Variants in PLXNA2 observed in about 807,000 individuals in gnomAD.
PLXNA2 encodes the protein plexin A2.
Under a neutral mutation model 193.5 loss-of-function variants are expected in PLXNA2, and 91 were observed. The observed-to-expected ratio is 0.47, with a 90% CI of 0.40 to 0.56. The LOEUF (loss-of-function observed/expected upper bound fraction) is 0.56, where lower values mean the gene tolerates loss of function less well. Among genes scored for constraint, PLXNA2 ranks in the 20% least tolerant of loss-of-function variants. The pLI is 0.00. For synonymous variants in PLXNA2, 997 were observed against 1,027.3 expected (o/e 0.97, Z 0.56); for missense variants, 1,995 against 2,503.2 (o/e 0.80, Z 4.33).
chr1:208,243,220 G>T (rs776064460), intron 1 of PLXNA2, among the ~76,000 whole-genome samples: 2 of 152,172 alleles, frequency 1.3e-5, no homozygotes, highest in African/African-American at 4.8e-5. Context: ...TCGCTGGCCA[G>T]TGTGGCTTTG....
At chr1:208,039,545 T>C (rs1304984947) in intron 24 of PLXNA2, 76 bp downstream of exon 24, 3 of 1,589,434 alleles carry the variant, frequency 1.9e-6, no homozygotes, top group Non-Finnish European at 2.6e-6. Context: ...CCTAGACTGC[T>C]TTTATGGACA....
intron 4 of PLXNA2, among the ~76,000 whole-genome samples, chr1:208,136,139 C>T (rs1289064821): frequency 6.6e-6 from 1 of 152,178 alleles, no homozygotes; most frequent in East Asian, 1.9e-4. Context: ...GATTCTAGCC[C>T]CTTGTCCTTC....
In PLXNA2 at chr1:208,217,584, G is replaced by C. The variant is rs759334726; in HGVS notation, c.339C>G (p.Val113=). The change falls in exon 2 of 32, where the codon GTC becomes GTG. Residue 113 remains valine, a synonymous_variant. Coordinates refer to ENST00000367033, the MANE Select transcript of PLXNA2 (RefSeq NM_025179.4). This position sits in a 1 kb window ranked among gnomAD's most constrained non-coding sequence, Gnocchi z 4.7. Reference sequence around the variant, plus strand: ...AGTAGTCAATGATGAGCAGCTTGTTGACATTGTTGGTGAGGGTGAGCACTT... The same window carrying C: ...AGTAGTCAATGATGAGCAGCTTGTTCACATTGTTGGTGAGGGTGAGCACTT... ...CSEVLTLTNN[V]NKLLIIDYSE... is the part of the protein sequence containing the mutation. 1.1e-5 allele frequency: 18 copies of C among 1,614,090 alleles called. No individual in the cohort carries two copies. The highest frequency in any genetic ancestry group is 1.4e-5 in the Non-Finnish European group (17 of 1,180,046).
rs1209743654 is a variant in PLXNA2 at position 208,051,011 on chromosome 1, T to C, written c.3253A>G (p.Asn1085Asp). Residue 1085 changes from asparagine (N) to aspartate (D), a missense_variant and splice_region_variant, in exon 17 of 32, where the codon AAT becomes GAT. This residue lies in a region of PLXNA2 where 1,291 missense variants were observed against 1,673.6 expected (regional missense o/e 0.77). Transcript: ENST00000367033. Reference sequence around the variant, plus strand: ...GGGGCAGACCAACAGTTACTCACATTGACAGATTCTTTGCCATTGAATTTG... The same window carrying C: ...GGGGCAGACCAACAGTTACTCACATCGACAGATTCTTTGCCATTGAATTTG... Reference protein sequence around the residue: ...RVKFNGKESVNVCKVVNTTTL... With the variant: ...RVKFNGKESVDVCKVVNTTTL... 1 of 1,610,018 alleles carries C rather than the reference T, an allele frequency of 6.2e-7. No individual in the cohort carries two copies. Among genetic ancestry groups the C allele is most frequent in the Non-Finnish European group, 8.5e-7 (1 of 1,176,398 alleles).
chr1:208,055,893 C>T (rs141523408), intron 13 of PLXNA2, among the ~76,000 whole-genome samples: 5 of 152,288 alleles, frequency 3.3e-5, no homozygotes, highest in African/African-American at 1.2e-4. Flanking sequence ...TGTCTTATTA[C>T]GTTTTAGCAT....
At chr1:208,081,163 G>T (rs1666327746) in intron 11 of PLXNA2, among the ~76,000 whole-genome samples, 1 of 152,222 alleles carries the variant, frequency 6.6e-6, no homozygotes, top group East Asian at 1.9e-4. Context: ...CAGATCCCCA[G>T]CAGGGTAATT....
chr1:208,198,714 C>T, intron 3 of PLXNA2, among the ~76,000 whole-genome samples: 1 of 152,190 alleles, frequency 6.6e-6, no homozygotes, highest in East Asian at 1.9e-4. Flanking sequence ...TTCTCTCGTG[C>T]ATCTTCTTGC....
chr1:208,150,425 T>C (rs1013936017), intron 3 of PLXNA2, among the ~76,000 whole-genome samples: 5 of 152,156 alleles, frequency 3.3e-5, no homozygotes, highest in African/African-American at 4.8e-5. Context: ...ATGGAGATCT[T>C]TCTCCTGGAA....
In PLXNA2 at chr1:208,082,907, C is replaced by T. The variant is rs532539277; in HGVS notation, c.2299-399G>A. 6.6e-6 allele frequency among the ~76,000 whole-genome samples: 1 copy of T among 152,276 alleles called. No individual in the cohort carries two copies. The highest frequency in any genetic ancestry group is 2.1e-4 in the South Asian group (1 of 4,826). On this transcript the variant is annotated intron_variant, in intron 10 of 31. Coordinates refer to ENST00000367033, the MANE Select transcript of PLXNA2 (RefSeq NM_025179.4). This position sits in a 1 kb window ranked among gnomAD's most constrained non-coding sequence, Gnocchi z 4.2. ...TCTACTTTCCCCAGGAGTCCTCTCC[C>T]ACAACCCTGCAGATCTGCCTCAAAC...
At chr1:208,092,581 A>G (rs1666751743) in intron 9 of PLXNA2, among the ~76,000 whole-genome samples, 1 of 152,242 alleles carries the variant, frequency 6.6e-6, no homozygotes, top group Non-Finnish European at 1.5e-5. Flanking sequence ...AGTCTAGTAG[A>G]CATAGCCTCT....
At position 208,050,946 on chromosome 1, in the gene PLXNA2, A is replaced by G. The variant is rs149578803; in HGVS notation, c.3255+63T>C. The G allele has an allele frequency of 1.5e-5, 18 of 1,228,820 alleles. No homozygotes were observed. In the Middle Eastern group the frequency reaches 5.7e-4, roughly 39 times the overall value. 76.1% of individuals were successfully genotyped at this position (1,228,820 alleles called of 1,614,324 possible). A position where few individuals can be genotyped will look rare whatever the true frequency, so the allele number is the denominator to read the frequency against. The stretch of plus-strand genomic sequence containing the variant: ...CAGTGCCTAACCCAGAGCTCATCCC[A>G]TTGCAAAACATCAACACAGAGCTGT... On this transcript the variant is annotated intron_variant, in intron 17 of 31. Transcript: ENST00000367033.
chr1:208,232,547 G>A (rs1671722855), intron 1 of PLXNA2, among the ~76,000 whole-genome samples: 1 of 152,298 alleles, frequency 6.6e-6, no homozygotes, highest in African/African-American at 2.4e-5. Context: ...GCATCTTACT[G>A]TCATTTAAAT....
intron 4 of PLXNA2, among the ~76,000 whole-genome samples, chr1:208,127,087 G>A (rs1667995639): frequency 6.6e-6 from 1 of 152,220 alleles, no homozygotes; most frequent in Non-Finnish European, 1.5e-5. Flanking sequence ...TTGCACAAGA[G>A]GCTTTTAAAA....
chr1:208,100,902 T>A (rs1250534148), intron 5 of PLXNA2, among the ~76,000 whole-genome samples: 1 of 152,164 alleles, frequency 6.6e-6, no homozygotes, highest in Non-Finnish European at 1.5e-5. Flanking sequence ...CCACGGCTGG[T>A]GCCAGCGTGT....
chr1:208,051,009 A>C lies in PLXNA2; in HGVS notation c.3255T>G (p.Asn1085Lys). The C allele has an allele frequency of 6.2e-7, 1 of 1,609,586 alleles. No individual in the cohort carries two copies. The highest frequency in any genetic ancestry group is 8.5e-7 in the Non-Finnish European group (1 of 1,175,870). The change falls in exon 17 of 32, where the codon AAT (asparagine) becomes AAG (lysine). Residue 1085 changes from asparagine (N) to lysine (K), a missense_variant and splice_region_variant. By Grantham distance (94) the Asn-to-Lys change is moderately conservative. Around this residue, in one of 3 missense-constraint regions of PLXNA2, gnomAD observed 1,291 missense variants for 1,673.6 expected, o/e 0.77. Coordinates refer to ENST00000367033, the MANE Select transcript of PLXNA2 (RefSeq NM_025179.4). ...CTGGGGCAGACCAACAGTTACTCAC[A>C]TTGACAGATTCTTTGCCATTGAATT... ...RVKFNGKESV[N>K]VCKVVNTTTL...
rs144147300 is a variant in PLXNA2 at position 208,175,064 on chromosome 1, G to C, written c.1372-32601C>G. On this transcript the variant is annotated intron_variant, in intron 3 of 31. Coordinates refer to ENST00000367033, the MANE Select transcript of PLXNA2 (RefSeq NM_025179.4). ...CTTTGCACACTAGTGGCTCGTGGGA[G>C]CTCCTGTACCCCTTAGAAAACAGAA... Among the ~76,000 whole-genome samples, 749 of 152,292 alleles carry C rather than the reference G, an allele frequency of 4.9e-3. 4 individuals carry two copies. Among genetic ancestry groups the C allele is most frequent in the African/African-American group, 0.016 (673 of 41,548 alleles).
In PLXNA2 at chr1:208,159,564, C is replaced by A. The variant is rs1057072364; in HGVS notation, c.1372-17101G>T. Among the ~76,000 whole-genome samples, 175 of 152,358 alleles carry A rather than the reference C, an allele frequency of 1.1e-3. 2 individuals are homozygous for A. The highest frequency in any genetic ancestry group is 3.9e-3 in the African/African-American group (163 of 41,580). ...TGGAGTCAGAGGAGACTGGGGACACCAGCCATCCAAGGGGATTTAGGACTC... is the reference window on the plus strand; with the variant it reads ...TGGAGTCAGAGGAGACTGGGGACACAAGCCATCCAAGGGGATTTAGGACTC... On this transcript the variant is annotated intron_variant, in intron 3 of 31. Transcript: ENST00000367033.
In PLXNA2 at chr1:208,096,054, A is replaced by T; in HGVS notation, c.1957T>A (p.Phe653Ile). 6.2e-7 allele frequency: 1 copy of T among 1,613,924 alleles called. No homozygotes were observed. Among genetic ancestry groups the T allele is most frequent in the African/African-American group, 1.3e-5 (1 of 75,008 alleles). Residue 653 changes from phenylalanine to isoleucine, a missense_variant, in exon 8 of 32, where the codon TTT (phenylalanine) becomes ATT (isoleucine). Around this residue, in one of 3 missense-constraint regions of PLXNA2, gnomAD observed 1,291 missense variants for 1,673.6 expected, o/e 0.77. Transcript: ENST00000367033. ...AGTTGGTGGGCACTGCAGTTGTAAA[A>T]CTTGAACTCGGTGCTGACAAATATC... ...GKIFVSTEFK[F>I]YNCSAHQLCL... is the part of the protein sequence containing the mutation.
intron 3 of PLXNA2, among the ~76,000 whole-genome samples, chr1:208,157,698 G>A (rs2102508676): frequency 6.6e-6 from 1 of 152,296 alleles, no homozygotes; most frequent in East Asian, 1.9e-4. Context: ...GTAAGGTTCC[G>A]GGTTCAAGTT....
Sources: allele counts gnomAD v4.1 joint callset (sites outside exome capture counted in the v4.1 genomes callset), GRCh38; gene constraint gnomAD v4.1.1; regional missense constraint gnomAD v4.1.1; non-coding constraint Gnocchi (gnomAD v3.1); transcripts MANE v1.5; gene names NCBI Gene and HGNC (gene_info 2026-07-23, HGNC 2026-07-21).